LRFN5: variants seen among roughly 807,000 people sequenced by gnomAD.
LRFN5 encodes leucine-rich repeat and fibronectin type-III domain-containing protein 5.
A neutral mutation model predicts 45.6 loss-of-function variants in LRFN5; 24 were observed. The ratio of observed to expected loss-of-function variants is 0.53; its 90% CI spans 0.38 to 0.74. The LOEUF (loss-of-function observed/expected upper bound fraction) is 0.74. LRFN5 is among the 30% of genes least tolerant of loss of function. The probability of loss-of-function intolerance (pLI) is 0.00; values close to 1 mark genes in which losing one functional copy is unlikely to be tolerated. For synonymous variants in LRFN5, 340 were observed against 313.8 expected, an observed-to-expected ratio of 1.08 and a Z score of -0.88; for missense variants, 776 against 861.5, an observed-to-expected ratio of 0.90 and a Z score of 1.24.
At chr14:41,760,944 A>G (rs892391425) in intron 1 of LRFN5, among the ~76,000 whole-genome samples, 1 of 152,182 alleles carries the variant, frequency 6.6e-6, no homozygotes, top group Non-Finnish European at 1.5e-5. Flanking sequence ...GTAAGCCCCA[A>G]TGTCCATTTG....
intron 1 of LRFN5, among the ~76,000 whole-genome samples, chr14:41,678,307 T>C (rs978856160): frequency 2.1e-4 from 32 of 152,020 alleles, no homozygotes; most frequent in African/African-American, 7.7e-4. Context: ...GTATATGCCA[T>C]ATATATGAAA....
chr14:41,817,856 A>G (rs1445434099), intron 2 of LRFN5, among the ~76,000 whole-genome samples: 1 of 152,104 alleles, frequency 6.6e-6, no homozygotes, highest in Non-Finnish European at 1.5e-5. Flanking sequence ...CCAGCAATTT[A>G]TCAGTCATAA....
chr14:41,764,974 G>C (rs1411021075), intron 1 of LRFN5, among the ~76,000 whole-genome samples: 1 of 152,068 alleles, frequency 6.6e-6, no homozygotes, highest in Non-Finnish European at 1.5e-5. Flanking sequence ...TTACGCTTAT[G>C]GTAGATGTGC....
chr14:41,797,021 C>A (rs900063335), intron 2 of LRFN5, among the ~76,000 whole-genome samples: 10 of 151,682 alleles, frequency 6.6e-5, no homozygotes, highest in Non-Finnish European at 1.0e-4. Context: ...CGTGTACTTT[C>A]TGCTCACATT....
At chr14:41,881,447 T>C (rs1400801321) in intron 2 of LRFN5, among the ~76,000 whole-genome samples, 1 of 152,026 alleles carries the variant, frequency 6.6e-6, no homozygotes, top group Non-Finnish European at 1.5e-5. Flanking sequence ...TTTCTCTGCC[T>C]CTTTTAATAA....
intron 1 of LRFN5, chr14:41,700,295 A>G (rs996726681): frequency 1.3e-5 from 2 of 152,136 alleles, no homozygotes; most frequent in African/African-American, 4.8e-5. Context: ...TGAGTCAATT[A>G]GAAAGAAATT....
At chr14:41,735,527 C>G (rs575932823) in intron 1 of LRFN5, among the ~76,000 whole-genome samples, 2 of 152,268 alleles carry the variant, frequency 1.3e-5, no homozygotes, top group South Asian at 2.1e-4. Context: ...CTGCGTCAGC[C>G]CCCCCACGTG....
chr14:41,825,407 G>A lies in LRFN5; in HGVS notation c.-21+58378G>A, dbSNP rs1290883454. Among the ~76,000 whole-genome samples the A allele has an allele frequency of 4.1e-4, 63 of 152,326 alleles. 1 individual carries two copies. The highest frequency in any genetic ancestry group is 2.4e-4 in the Non-Finnish European group (16 of 68,030). Reference sequence around the variant, plus strand: ...GCGATGCTCATGTCTCTGCTGGAAGGAGAACAGTCACCTTCAGCTCACATT... The same window carrying A: ...GCGATGCTCATGTCTCTGCTGGAAGAAGAACAGTCACCTTCAGCTCACATT... On this transcript the variant is annotated intron_variant, in intron 2 of 5. Transcript: ENST00000298119.
Position 41,891,259 on chromosome 14 carries a change from T to A in LRFN5, c.1395T>A (p.Pro465=). 1.9e-6 allele frequency: 3 copies of A among 1,613,214 alleles called. No individual in the cohort carries two copies. Among genetic ancestry groups the A allele is most frequent in the Non-Finnish European group, 1.7e-6 (2 of 1,179,954 alleles). ...YDDTLVYRMI[P]PTSKTFLVNN... ...TTCCATTGTCCCTCAGAATGATACC[T>A]CCTACGAGCAAAACTTTTCTGGTCA... Residue 465 remains proline (P), a synonymous_variant, in exon 4 of 6, where the codon CCT becomes CCA. Transcript: ENST00000298119.
At chr14:41,856,453 G>A (rs1164728668) in intron 2 of LRFN5, among the ~76,000 whole-genome samples, 2 of 151,904 alleles carry the variant, frequency 1.3e-5, no homozygotes, top group African/African-American at 4.8e-5. Flanking sequence ...AATAGTGCAT[G>A]GCCGTTTCCG....
chr14:41,814,789 C>A (rs563583343), intron 2 of LRFN5, among the ~76,000 whole-genome samples: 9 of 152,038 alleles, frequency 5.9e-5, no homozygotes, highest in African/African-American at 2.2e-4. Context: ...ACAAATTGGA[C>A]GGCATCTTTA....
At chr14:41,701,898 C>T (rs1882854741) in intron 1 of LRFN5, among the ~76,000 whole-genome samples, 1 of 152,098 alleles carries the variant, frequency 6.6e-6, no homozygotes, top group Non-Finnish European at 1.5e-5. Context: ...AACCTCAAGC[C>T]CAACCCCTGA....
At chr14:41,655,481 C>T (rs1237197010) in intron 1 of LRFN5, among the ~76,000 whole-genome samples, 1 of 151,968 alleles carries the variant, frequency 6.6e-6, no homozygotes, top group Admixed American at 6.6e-5. Flanking sequence ...GAGGCCTGAT[C>T]AAGAGGTATA....
chr14:41,794,317 G>A lies in LRFN5; in HGVS notation c.-21+27288G>A, dbSNP rs573888964. Among the ~76,000 whole-genome samples the A allele has an allele frequency of 1.4e-4, 21 of 152,068 alleles. No homozygotes were observed. In the South Asian group the frequency reaches 4.1e-3, roughly 30 times the overall value. On this transcript the variant is annotated intron_variant, in intron 2 of 5. Transcript: ENST00000298119. ...TAATAATTCAATACATTCTATGCCT[G>A]AAAATATGACATTTTATTCTTGTAA...
At chr14:41,839,474 G>A (rs1888784110) in intron 2 of LRFN5, among the ~76,000 whole-genome samples, 1 of 152,146 alleles carries the variant, frequency 6.6e-6, no homozygotes, top group East Asian at 1.9e-4. Flanking sequence ...CAATATCTCT[G>A]TTTTTACATT....
At chr14:41,711,902 A>G (rs1457671538) in intron 1 of LRFN5, among the ~76,000 whole-genome samples, 1 of 152,212 alleles carries the variant, frequency 6.6e-6, no homozygotes, top group East Asian at 1.9e-4. Context: ...ACACATATAT[A>G]TGAATCAAAA....
intron 1 of LRFN5, among the ~76,000 whole-genome samples, chr14:41,665,581 G>A (rs917686522): frequency 6.6e-6 from 1 of 151,904 alleles, no homozygotes; most frequent in Non-Finnish European, 1.5e-5. Flanking sequence ...TAAGACAGAC[G>A]TATTTGGGAT....
intron 1 of LRFN5, among the ~76,000 whole-genome samples, chr14:41,653,246 T>C (rs1395023802): frequency 6.6e-6 from 1 of 152,156 alleles, no homozygotes; most frequent in Non-Finnish European, 1.5e-5. Flanking sequence ...CCTGTGTTAT[T>C]TTCCTAAGTG....
At chr14:41,764,494 T>C (rs1311275240) in intron 1 of LRFN5, among the ~76,000 whole-genome samples, 3 of 152,174 alleles carry the variant, frequency 2.0e-5, no homozygotes, top group Admixed American at 6.5e-5. Context: ...TGGGAAATTA[T>C]AATTTAGGTA....
Sources: allele counts gnomAD v4.1 joint callset (sites outside exome capture counted in the v4.1 genomes callset), GRCh38; gene constraint gnomAD v4.1.1; transcripts MANE v1.5; gene names NCBI Gene and HGNC (gene_info 2026-07-23, HGNC 2026-07-21).